Variants in SYNJ1 observed in about 807,000 individuals in gnomAD.
SYNJ1 encodes synaptojanin 1.
SYNJ1 carries 78 observed loss-of-function variants against 168.2 expected under a neutral mutation model. The observed-to-expected ratio is 0.46, with a 90% CI of 0.39 to 0.56. The LOEUF (loss-of-function observed/expected upper bound fraction) is 0.56, where lower values mean the gene tolerates loss of function less well. SYNJ1 is among the 20% of genes least tolerant of loss of function. SYNJ1 has a pLI of 0.00. For missense variants in SYNJ1, 1,303 were observed against 1,597.6 expected, an observed-to-expected ratio of 0.82 and a Z score of 3.14; for synonymous variants, 539 against 548.6, an observed-to-expected ratio of 0.98 and a Z score of 0.24.
chr21:32,680,866 C>T (rs2041595971), intron 11 of SYNJ1, among the ~76,000 whole-genome samples: 1 of 152,176 alleles, frequency 6.6e-6, no homozygotes, highest in African/African-American at 2.4e-5. Flanking sequence ...ATCCACCTGC[C>T]TCAGCCTCCC....
chr21:32,660,106 A>G (rs555467016), intron 18 of SYNJ1, among the ~76,000 whole-genome samples: 7 of 152,366 alleles, frequency 4.6e-5, no homozygotes, highest in African/African-American at 1.7e-4. Context: ...TGTGTCAGAA[A>G]GATAAAAAAT....
At chr21:32,679,897 C>T (rs879234814) in intron 11 of SYNJ1, among the ~76,000 whole-genome samples, 3 of 151,870 alleles carry the variant, frequency 2.0e-5, no homozygotes, top group Admixed American at 1.3e-4. Context: ...GATTTTAGTT[C>T]AATTCAGGCT....
intron 29 of SYNJ1, among the ~76,000 whole-genome samples, chr21:32,641,662 C>T (rs906784294): frequency 6.6e-6 from 1 of 152,140 alleles, no homozygotes; most frequent in African/African-American, 2.4e-5. Context: ...TATTTAGTGA[C>T]CATAATTGTT....
At chr21:32,661,484 G>A (rs567166222) in intron 18 of SYNJ1, among the ~76,000 whole-genome samples, 60 of 152,276 alleles carry the variant, frequency 3.9e-4, no homozygotes, top group African/African-American at 1.4e-3. Flanking sequence ...GAAGTAACCC[G>A]TGTGCTTCTC....
In SYNJ1 at chr21:32,656,940, T is replaced by C. The variant is rs2040481855; in HGVS notation, c.2580-38A>G. 4 of 1,611,186 alleles carry C rather than the reference T, an allele frequency of 2.5e-6. No homozygotes were observed. The African/African-American group carries it at 5.4e-5, about 22-fold the overall frequency. ...AGGAAGATAGATGTATTAGAAATGT[T>C]TTTAAAAGGGTGTATTTCAAACAAA... On this transcript the variant is annotated intron_variant, in intron 20 of 32. Transcript: ENST00000674351.
chr21:32,643,321 C>T (rs941225331), intron 27 of SYNJ1, 89 bp downstream of exon 27: 4 of 1,323,930 alleles, frequency 3.0e-6, no homozygotes, highest in Admixed American at 4.0e-5. Flanking sequence ...ATTTAGTATG[C>T]CTGCAAACAC....
intron 2 of SYNJ1, among the ~76,000 whole-genome samples, chr21:32,714,272 G>A (rs1019706964): frequency 1.3e-5 from 2 of 152,128 alleles, no homozygotes; most frequent in African/African-American, 2.4e-5. Context: ...GCAGAAACTC[G>A]ATTTTATTGT....
intron 4 of SYNJ1, 85 bp downstream of exon 4, chr21:32,699,753 T>C: frequency 6.7e-7 from 1 of 1,491,876 alleles, no homozygotes; most frequent in Admixed American, 2.2e-5. Flanking sequence ...CCTTTCTTGC[T>C]GTCACGGTGA....
intron 26 of SYNJ1, among the ~76,000 whole-genome samples, chr21:32,644,562 A>C (rs2039983627): frequency 6.6e-6 from 1 of 152,256 alleles, no homozygotes; most frequent in South Asian, 2.1e-4. Flanking sequence ...TCAAACAAAA[A>C]GTGACCCTTT....
rs762057247 is a variant in SYNJ1, at chr21:32,703,893, T to C, written c.125-1846A>G. ...TATGTCCAGCTAATTTTTTTTATTTTTTATTTTTGTAGAGATACAGTTTCT... is the reference window on the plus strand; with the variant it reads ...TATGTCCAGCTAATTTTTTTTATTTCTTATTTTTGTAGAGATACAGTTTCT... On this transcript the variant is annotated intron_variant, in intron 2 of 32. Coordinates refer to ENST00000674351, the MANE Select transcript of SYNJ1 (RefSeq NM_203446.3). Among the ~76,000 whole-genome samples, 15 of 152,178 alleles carry C rather than the reference T, an allele frequency of 9.9e-5. No individual in the cohort carries two copies. The Middle Eastern group carries it at 0.01, about 104-fold the overall frequency.
Position 32,629,120 on chromosome 21 carries a change from T to C in SYNJ1, c.*2685A>G, listed in dbSNP as rs758015531. ...CCTGATAAAGGCTGGGCTGCTGATA[T>C]GTATATTTTAGACAGTAGTTTATAT... On this transcript the variant is annotated 3_prime_UTR_variant, in exon 33 of 33. Coordinates refer to ENST00000674351, the MANE Select transcript of SYNJ1 (RefSeq NM_203446.3). The C allele has an allele frequency of 6.5e-6, 1 of 152,674 alleles. No homozygotes were observed. Among genetic ancestry groups the C allele is most frequent in the Non-Finnish European group, 1.5e-5 (1 of 68,050 alleles). The allele number at this position is 152,674 out of a possible 1,614,324, so 9.5% of individuals were successfully genotyped here. A position where few individuals can be genotyped will look rare whatever the true frequency, so the allele number is the denominator to read the frequency against.
intron 18 of SYNJ1, among the ~76,000 whole-genome samples, chr21:32,663,989 C>T (rs1475508965): frequency 6.6e-6 from 1 of 152,196 alleles, no homozygotes; most frequent in Non-Finnish European, 1.5e-5. Flanking sequence ...TATGACAAAA[C>T]TGACACATGT....
At chr21:32,648,804 T>C (rs912331018) in intron 23 of SYNJ1, among the ~76,000 whole-genome samples, 3 of 152,224 alleles carry the variant, frequency 2.0e-5, no homozygotes, top group African/African-American at 7.2e-5. Flanking sequence ...AGACTCATGT[T>C]TGACTGACTC....
chr21:32,720,965 T>C (rs2043198247), intron 2 of SYNJ1, among the ~76,000 whole-genome samples: 1 of 152,256 alleles, frequency 6.6e-6, no homozygotes, highest in Non-Finnish European at 1.5e-5. Context: ...ACTGACAGCT[T>C]GTCCTTCTCC....
chr21:32,632,481 GTTCA>G (rs1330041979), intron 32 of SYNJ1, among the ~76,000 whole-genome samples: 7 of 151,928 alleles, frequency 4.6e-5, no homozygotes, highest in Non-Finnish European at 7.4e-5. Flanking sequence ...CACCTCCCGG[GTTCA>G]AGTGATTCTT....
At chr21:32,638,601 G>A (rs2039683338) in intron 31 of SYNJ1, among the ~76,000 whole-genome samples, 3 of 152,136 alleles carry the variant, frequency 2.0e-5, no homozygotes. Flanking sequence ...GGAGGCTGAG[G>A]CAGGAGAATC....
chr21:32,722,824 A>G (rs1399286386), intron 2 of SYNJ1, among the ~76,000 whole-genome samples: 1 of 152,234 alleles, frequency 6.6e-6, no homozygotes, highest in East Asian at 1.9e-4. Context: ...AAAGTGCTAC[A>G]AGAGTATTAG....
At chr21:32,710,305 T>C (rs1175318777) in intron 2 of SYNJ1, among the ~76,000 whole-genome samples, 1 of 152,144 alleles carries the variant, frequency 6.6e-6, no homozygotes, top group Admixed American at 6.5e-5. Flanking sequence ...TTATGGAGGC[T>C]AGGTGACATA....
At chr21:32,634,191 T>A (rs2039463154) in intron 32 of SYNJ1, among the ~76,000 whole-genome samples, 1 of 152,206 alleles carries the variant, frequency 6.6e-6, no homozygotes, top group Admixed American at 6.5e-5. Context: ...AGAAAATTTT[T>A]ATTTCAAAAT....
Sources: gnomAD v4.1 joint callset for allele counts (sites outside exome capture counted in the v4.1 genomes callset) on GRCh38, gnomAD v4.1.1 for gene constraint, MANE v1.5 for transcripts, NCBI Gene and HGNC (gene_info 2026-07-23, HGNC 2026-07-21) for gene names.